Variants in SERGEF observed in about 807,000 individuals in gnomAD.
SERGEF encodes secretion regulating guanine nucleotide exchange factor.
SERGEF carries 51 observed loss-of-function variants against 50.0 expected under a neutral mutation model. The observed-to-expected ratio is 1.02, with a 90% CI of 0.81 to 1.29. The LOEUF is 1.29. Among genes scored for constraint, SERGEF ranks in the 50% most tolerant of loss-of-function variants. The pLI, the probability that SERGEF is intolerant of heterozygous loss-of-function variation, is 0.00. For synonymous variants in SERGEF, 205 were observed against 212.4 expected, an observed-to-expected ratio of 0.97 and a Z score of 0.30; for missense variants, 521 against 557.0, an observed-to-expected ratio of 0.94 and a Z score of 0.65.
intron 10 of SERGEF, among the ~76,000 whole-genome samples, chr11:17,868,858 T>C (rs975148392): frequency 6.6e-6 from 1 of 152,110 alleles, no homozygotes; most frequent in Non-Finnish European, 1.5e-5. Flanking sequence ...GTGAGACTTA[T>C]TCACTATCAT....
intron 10 of SERGEF, among the ~76,000 whole-genome samples, chr11:17,872,719 AC>A (rs1851164591): frequency 6.6e-6 from 1 of 152,214 alleles, no homozygotes; most frequent in Non-Finnish European, 1.5e-5. Flanking sequence ...ATAACAAAAG[AC>A]TAGAAATTAC....
chr11:17,847,072 G>A (rs1222069856), intron 10 of SERGEF, among the ~76,000 whole-genome samples: 1 of 152,218 alleles, frequency 6.6e-6, no homozygotes, highest in Non-Finnish European at 1.5e-5. Context: ...GGTGACAGGG[G>A]AGGCTGTTCC....
At chr11:17,833,577 T>C (rs1047807847) in intron 10 of SERGEF, among the ~76,000 whole-genome samples, 7 of 152,146 alleles carry the variant, frequency 4.6e-5, no homozygotes. Flanking sequence ...GCTTGCACTG[T>C]GTGCTTGGAA....
chr11:18,012,703 G>A (rs1049038241), intron 1 of SERGEF: 1 of 1,148,188 alleles, frequency 8.7e-7, no homozygotes, highest in African/African-American at 1.6e-5. Context: ...TTCTTCCCGC[G>A]GCGCCACAGC....
intron 10 of SERGEF, among the ~76,000 whole-genome samples, chr11:17,868,255 CTTAGAA>C (rs965932314): frequency 1.5e-4 from 23 of 152,322 alleles, no homozygotes; most frequent in African/African-American, 4.6e-4. Context: ...TGCTTTGCTG[CTTAGAA>C]ATTTCTTCCA....
At chr11:17,990,736 A>C (rs913561020) in intron 7 of SERGEF, among the ~76,000 whole-genome samples, 1 of 152,188 alleles carries the variant, frequency 6.6e-6, no homozygotes, top group Non-Finnish European at 1.5e-5. Flanking sequence ...AATGTGTAAC[A>C]GCTTGAACTA....
At chr11:17,825,612 C>G (rs1033186470) in intron 10 of SERGEF, among the ~76,000 whole-genome samples, 7 of 152,190 alleles carry the variant, frequency 4.6e-5, no homozygotes, top group Non-Finnish European at 8.8e-5. Context: ...TTCATTAGCT[C>G]TTAGATACTC....
intron 10 of SERGEF, among the ~76,000 whole-genome samples, chr11:17,790,310 G>C (rs927793504): frequency 1.3e-5 from 2 of 151,444 alleles, no homozygotes; most frequent in Non-Finnish European, 2.9e-5. Flanking sequence ...TTGTTTTAAA[G>C]ACTTACACAA....
At chr11:17,980,676 C>T (rs1271031224) in intron 8 of SERGEF, among the ~76,000 whole-genome samples, 1 of 152,138 alleles carries the variant, frequency 6.6e-6, no homozygotes, top group East Asian at 1.9e-4. Context: ...CATTAAATAT[C>T]CTTCTAAAAC....
rs550310011 is a variant in SERGEF at position 17,832,306 on chromosome 11, C to G, written c.1049-43893G>C. ...TTTTAAAAAGAGGCATTCCCCTGCACAAGCTCTCTCATTTTTTGCCTGCAA... is the reference window on the plus strand; with the variant it reads ...TTTTAAAAAGAGGCATTCCCCTGCAGAAGCTCTCTCATTTTTTGCCTGCAA... On this transcript the variant is annotated intron_variant, in intron 10 of 10. Coordinates refer to ENST00000265965, the MANE Select transcript of SERGEF (RefSeq NM_012139.4). Among the ~76,000 whole-genome samples the G allele has an allele frequency of 6.6e-5, 10 of 152,340 alleles. No individual in the cohort carries two copies. The East Asian group carries it at 1.9e-3, about 29-fold the overall frequency.
At chr11:17,853,087 A>G (rs944782302) in intron 10 of SERGEF, among the ~76,000 whole-genome samples, 2 of 152,160 alleles carry the variant, frequency 1.3e-5, no homozygotes, top group African/African-American at 4.8e-5. Flanking sequence ...ATACTACTAC[A>G]TAATTGTGTG....
intron 10 of SERGEF, among the ~76,000 whole-genome samples, chr11:17,854,447 C>A (rs1237004568): frequency 6.6e-6 from 1 of 152,228 alleles, no homozygotes; most frequent in Non-Finnish European, 1.5e-5. Context: ...TCTACCCAGT[C>A]TACCAAGGAG....
At chr11:17,910,187 A>ACTCTCTCTCTCT (rs1341010777) in intron 9 of SERGEF, among the ~76,000 whole-genome samples, 8 of 119,682 alleles carry the variant, frequency 6.7e-5, no homozygotes, top group Admixed American at 3.4e-4. Flanking sequence ...ACACACACAC[A>ACTCTCTCTCTCT]CACACACTCT....
chr11:17,915,380 TC>T (rs1359195196), intron 9 of SERGEF, among the ~76,000 whole-genome samples: 2 of 152,094 alleles, frequency 1.3e-5, no homozygotes, highest in African/African-American at 4.8e-5. Context: ...GAGCTCAACC[TC>T]CCCTTTTTAA....
chr11:17,946,427 T>C (rs1852663827), intron 9 of SERGEF, among the ~76,000 whole-genome samples: 1 of 152,300 alleles, frequency 6.6e-6, no homozygotes, highest in Admixed American at 6.5e-5. Flanking sequence ...ACTTGGTGTA[T>C]GCTACCTGCT....
At chr11:17,867,992 T>C (rs1331032020) in intron 10 of SERGEF, among the ~76,000 whole-genome samples, 1 of 152,182 alleles carries the variant, frequency 6.6e-6, no homozygotes, top group African/African-American at 2.4e-5. Context: ...CTTCTAGGCC[T>C]CTGGGTCTGT....
intron 10 of SERGEF, among the ~76,000 whole-genome samples, chr11:17,875,130 T>C (rs1851217217): frequency 2.0e-5 from 3 of 152,228 alleles, no homozygotes; most frequent in African/African-American, 7.2e-5. Context: ...CCAGGCAATC[T>C]GTCCCCAGTG....
chr11:17,963,364 T>TAAAAAAA (rs1174880141), intron 8 of SERGEF, among the ~76,000 whole-genome samples: 1 of 49,878 alleles, frequency 2.0e-5, no homozygotes, highest in Non-Finnish European at 3.6e-5. Flanking sequence ...TTACTATTAG[T>TAAAAAAA]AAAAAAAAAA....
At chr11:17,939,074 T>C (rs1486292909) in intron 9 of SERGEF, among the ~76,000 whole-genome samples, 3 of 152,220 alleles carry the variant, frequency 2.0e-5, no homozygotes. Context: ...CTCTATCACC[T>C]AGGAAAGGGG....
Sources: allele counts gnomAD v4.1 joint callset (sites outside exome capture counted in the v4.1 genomes callset), GRCh38; gene constraint gnomAD v4.1.1; transcripts MANE v1.5; gene names NCBI Gene and HGNC (gene_info 2026-07-23, HGNC 2026-07-21).